Variants in AGL observed in about 807,000 individuals in gnomAD.
The protein encoded by AGL is glycogen debranching enzyme.
Under a neutral mutation model 199.3 loss-of-function variants are expected in AGL, and 128 were observed. The observed-to-expected ratio is 0.64, with a 90% CI of 0.56 to 0.74. The LOEUF (loss-of-function observed/expected upper bound fraction) is 0.74. Among genes scored for constraint, AGL ranks in the 30% least tolerant of loss-of-function variants. The pLI, the probability that AGL is intolerant of heterozygous loss-of-function variation, is 0.00. For missense variants in AGL, 1,809 were observed against 1,820.8 expected (o/e 0.99, Z 0.12); for synonymous variants, 584 against 594.7 (o/e 0.98, Z 0.26).
At chr1:99,903,690 A>G (rs1654029350) in intron 27 of AGL, among the ~76,000 whole-genome samples, 1 of 152,208 alleles carries the variant, frequency 6.6e-6, no homozygotes, top group Non-Finnish European at 1.5e-5. Flanking sequence ...TTCTAGTTCT[A>G]GATCCCTGAG....
chr1:99,907,693 G>GTTTTTTTTGTTTTTTTTT (rs148390359), intron 27 of AGL, among the ~76,000 whole-genome samples: 1 of 118,942 alleles, frequency 8.4e-6, no homozygotes, highest in Non-Finnish European at 1.8e-5. Context: ...TTTGTTTTTT[G>GTTTTTTTTGTTTTTTTTT]TTTTTTTTGC....
At chr1:99,859,844 A>G (rs1649890367) in intron 2 of AGL, among the ~76,000 whole-genome samples, 1 of 152,186 alleles carries the variant, frequency 6.6e-6, no homozygotes, top group African/African-American at 2.4e-5. Flanking sequence ...GCCTGGCCAA[A>G]TGTCTTTTGA....
intron 5 of AGL, among the ~76,000 whole-genome samples, chr1:99,865,460 A>G (rs927607196): frequency 2.6e-5 from 4 of 152,224 alleles, no homozygotes; most frequent in Non-Finnish European, 4.4e-5. Context: ...TTTGGTTCCT[A>G]AGATTCCTTA....
chr1:99,852,512 G>A (rs1649048842), intron 2 of AGL: 1 of 618,520 alleles, frequency 1.6e-6, no homozygotes, highest in South Asian at 2.0e-5. Flanking sequence ...TGGGACTGCA[G>A]GCATACATCA....
chr1:99,891,101 C>T (rs1652856570), intron 21 of AGL, 119 bp from the exon 22 acceptor site: 2 of 1,243,836 alleles, frequency 1.6e-6, no homozygotes, highest in Admixed American at 3.5e-5. Flanking sequence ...CTTGTGTGTG[C>T]CTCTAATACG....
intron 33 of AGL, among the ~76,000 whole-genome samples, chr1:99,917,493 C>T (rs1030593006): frequency 1.3e-5 from 2 of 152,106 alleles, no homozygotes; most frequent in South Asian, 2.1e-4. Flanking sequence ...AGCATGTAAT[C>T]GGGCCTTGCT....
chr1:99,880,657 T>A lies in AGL; in HGVS notation c.1761T>A (p.His587Gln). Residue 587 changes from histidine to glutamine, a missense_variant, in exon 14 of 34, where the codon CAT (histidine) becomes CAA (glutamine). By Grantham distance (24) the His-to-Gln change is conservative. Coordinates refer to ENST00000361915, the MANE Select transcript of AGL (RefSeq NM_000642.3). Reference sequence around the variant, plus strand: ...AGGCAATGAGTGCATATAATAGTCATGAAGAGGGCAGATTAGTTTACCGAT... The same window carrying A: ...AGGCAATGAGTGCATATAATAGTCAAGAAGAGGGCAGATTAGTTTACCGAT... ...IREAMSAYNS[H>Q]EEGRLVYRYG... The A allele has an allele frequency of 6.2e-7, 1 of 1,614,072 alleles. No individual in the cohort carries two copies. Among genetic ancestry groups the A allele is most frequent in the Non-Finnish European group, 8.5e-7 (1 of 1,179,950 alleles).
Position 99,922,253 on chromosome 1 carries a change from A to T in AGL, c.*602A>T, listed in dbSNP as rs917606483. On this transcript the variant is annotated 3_prime_UTR_variant, in exon 34 of 34. Coordinates refer to ENST00000361915, the MANE Select transcript of AGL (RefSeq NM_000642.3). ...GTAATGAATGCCAACAGTATATTTT[A>T]TATGATTTACTTATGTGAGGAAACA... 16 of 151,886 alleles carry T rather than the reference A, an allele frequency of 1.1e-4. No homozygotes were observed. The highest frequency in any genetic ancestry group is 1.0e-3 in the Admixed American group (16 of 15,252). 9.4% of individuals were successfully genotyped at this position (151,886 alleles called of 1,614,324 possible).
chr1:99,891,155 C>T, intron 21 of AGL, 65 bp from the exon 22 acceptor site: 5 of 1,598,758 alleles, frequency 3.1e-6, no homozygotes, highest in Non-Finnish European at 4.3e-6. Context: ...AGAATAGGGA[C>T]TAGAGGATAT....
intron 23 of AGL, among the ~76,000 whole-genome samples, chr1:99,891,997 A>G (rs1652936543): frequency 6.6e-6 from 1 of 152,156 alleles, no homozygotes; most frequent in African/African-American, 2.4e-5. Context: ...CTATGTATTC[A>G]CTGACTTATT....
At chr1:99,908,491 A>G (rs1369493090) in intron 27 of AGL, among the ~76,000 whole-genome samples, 1 of 152,114 alleles carries the variant, frequency 6.6e-6, no homozygotes, top group African/African-American at 2.4e-5. Flanking sequence ...TGGCTATTCA[A>G]GGTCCCTGGA....
chr1:99,860,524 T>C (rs975867284), intron 2 of AGL, among the ~76,000 whole-genome samples: 2 of 152,232 alleles, frequency 1.3e-5, no homozygotes, highest in African/African-American at 4.8e-5. Flanking sequence ...AAAATGTTTC[T>C]TTCACAGTAC....
intron 20 of AGL, among the ~76,000 whole-genome samples, chr1:99,886,989 G>T (rs1165332693): frequency 1.3e-5 from 2 of 152,152 alleles, no homozygotes; most frequent in African/African-American, 4.8e-5. Flanking sequence ...TAGGCAAGGA[G>T]TCCACTGGCT....
Position 99,916,692 on chromosome 1 carries a change from T to G in AGL, c.4442T>G (p.Val1481Gly). 4 of 1,613,462 alleles carry G rather than the reference T, an allele frequency of 2.5e-6. No individual in the cohort carries two copies. Among genetic ancestry groups the G allele is most frequent in the Non-Finnish European group, 3.4e-6 (4 of 1,179,620 alleles). ...PETTAKTIVL[V>G]KNVLSRHYVH... ...ACTACTGCAAAGACTATAGTTTTGG[T>G]TAAAAATGTTCTTTCCCGACATTAT... Residue 1481 changes from valine to glycine, a missense_variant, in exon 33 of 34, where the codon GTT becomes GGT. Physicochemically the swap from Val to Gly is moderately radical, Grantham distance 109. Coordinates refer to ENST00000361915, the MANE Select transcript of AGL (RefSeq NM_000642.3).
rs759225609 is a variant in AGL at position 99,880,021 on chromosome 1, A to T, written c.1710A>T (p.Arg570Ser). The T allele has an allele frequency of 3.7e-6, 6 of 1,613,574 alleles. No individual in the cohort carries two copies. In the Admixed American group the frequency reaches 6.7e-5, roughly 18 times the overall value. The change falls in exon 13 of 34, where the codon AGA becomes AGT. Residue 570 changes from arginine (R) to serine (S), a missense_variant. Coordinates refer to ENST00000361915, the MANE Select transcript of AGL (RefSeq NM_000642.3). ...SEDLDNVFVTRLGISSLIREA... is the reference protein window; with the variant it reads ...SEDLDNVFVTSLGISSLIREA... ...ATCTGGACAATGTCTTTGTTACTAG[A>T]CTGGGCATTAGTTCCTTAATAAGAG... is the stretch of plus-strand genomic sequence containing the variant.
intron 21 of AGL, among the ~76,000 whole-genome samples, 195 bp downstream of exon 21, chr1:99,888,303 A>G (rs1652616594): frequency 2.0e-5 from 3 of 152,206 alleles, no homozygotes; most frequent in Admixed American, 2.0e-4. Context: ...TAAAATTTGA[A>G]TAATATTATC....
intron 27 of AGL, among the ~76,000 whole-genome samples, chr1:99,907,049 A>T (rs947585189): frequency 6.6e-6 from 1 of 152,216 alleles, no homozygotes; most frequent in African/African-American, 2.4e-5. Flanking sequence ...GATAGTTACC[A>T]TCCTAATGGG....
chr1:99,852,494 C>G, intron 2 of AGL: 3 of 606,202 alleles, frequency 4.9e-6, no homozygotes, highest in Non-Finnish European at 8.7e-6. Context: ...CTCAGCCTCC[C>G]AAGTAGCTGG....
In AGL at chr1:99,876,584, C is replaced by T; in HGVS notation, c.1410C>T (p.Asn470=). The T allele has an allele frequency of 6.2e-7, 1 of 1,614,008 alleles. No homozygotes were observed. The highest frequency in any genetic ancestry group is 1.3e-5 in the African/African-American group (1 of 75,044). The change falls in exon 11 of 34, where the codon AAC becomes AAT. Residue 470 remains asparagine (N), a synonymous_variant. Transcript: ENST00000361915. The part of the protein sequence containing the change: ...GWVMGDDPLR[N]FAEPGSEVYL... ...TAATGGGAGATGATCCTCTTCGAAA[C>T]TTTGCTGAACCGGGTATGTAATTTT...
Sources: allele counts gnomAD v4.1 joint callset (sites outside exome capture counted in the v4.1 genomes callset), GRCh38; gene constraint gnomAD v4.1.1; transcripts MANE v1.5; gene names NCBI Gene and HGNC (gene_info 2026-07-23, HGNC 2026-07-21).